Variants in CNTN4 observed in about 807,000 individuals in gnomAD.
The protein encoded by CNTN4 is contactin-4.
Under a neutral mutation model 122.5 loss-of-function variants are expected in CNTN4, and 77 were observed. The ratio of observed to expected loss-of-function variants is 0.63; its 90% CI spans 0.52 to 0.76. The LOEUF is 0.76. CNTN4 is among the 30% of genes least tolerant of loss of function. The pLI, the probability that CNTN4 is intolerant of heterozygous loss-of-function variation, is 0.00. For synonymous variants in CNTN4, 512 were observed against 447.0 expected (o/e 1.15, Z -1.83); for missense variants, 1,256 against 1,259.1 (o/e 1.00, Z 0.04).
intron 4 of CNTN4, among the ~76,000 whole-genome samples, chr3:2,705,198 C>T (rs907492156): frequency 6.6e-6 from 1 of 150,652 alleles, no homozygotes; most frequent in South Asian, 2.1e-4. Flanking sequence ...GAAACCCCGT[C>T]TCTACTAAAA....
intron 13 of CNTN4, among the ~76,000 whole-genome samples, chr3:2,961,039 GC>G (rs1473813751): frequency 3.3e-5 from 4 of 122,366 alleles, no homozygotes; most frequent in African/African-American, 1.1e-4. Flanking sequence ...GACCATCCTG[GC>G]TAACACGGTG....
intron 4 of CNTN4, among the ~76,000 whole-genome samples, chr3:2,677,142 T>C (rs974763797): frequency 1.3e-5 from 2 of 149,622 alleles, no homozygotes; most frequent in African/African-American, 4.9e-5. Flanking sequence ...GATAGATAGA[T>C]AGATAGATAG....
chr3:2,788,714 C>T lies in CNTN4; in HGVS notation c.359-30772C>T, dbSNP rs945609135. 2.6e-5 allele frequency among the ~76,000 whole-genome samples: 4 copies of T among 152,056 alleles called. No homozygotes were observed. The East Asian group carries it at 7.7e-4, about 29-fold the overall frequency. On this transcript the variant is annotated intron_variant, in intron 6 of 24. Coordinates refer to ENST00000418658, the MANE Select transcript of CNTN4 (RefSeq NM_175607.3). ...AAAAAACAGTCATTAGAATGCCAAC[C>T]CTTAAATGGAAACACCATTAAGCTC...
chr3:2,800,086 T>TA (rs1273896805), intron 6 of CNTN4, among the ~76,000 whole-genome samples: 6 of 151,432 alleles, frequency 4.0e-5, no homozygotes, highest in African/African-American at 1.5e-4. Flanking sequence ...CTACTTTTTT[T>TA]TTTTTTTTGC....
At chr3:2,834,712 C>G (rs1226223160) in intron 7 of CNTN4, among the ~76,000 whole-genome samples, 1 of 151,746 alleles carries the variant, frequency 6.6e-6, no homozygotes, top group Non-Finnish European at 1.5e-5. Flanking sequence ...TAAAGAAATG[C>G]AACTTATTTT....
intron 7 of CNTN4, among the ~76,000 whole-genome samples, chr3:2,832,676 A>G (rs1242363560): frequency 6.6e-6 from 1 of 152,206 alleles, no homozygotes; most frequent in African/African-American, 2.4e-5. Flanking sequence ...TTTACTGTGA[A>G]AGTGGTGACT....
intron 2 of CNTN4, among the ~76,000 whole-genome samples, chr3:2,171,321 A>T (rs2036499002): frequency 6.6e-6 from 1 of 152,204 alleles, no homozygotes; most frequent in African/African-American, 2.4e-5. Context: ...TTTTCAGAGG[A>T]CAAAAACACT....
chr3:2,690,865 C>T (rs1201882368), intron 4 of CNTN4, among the ~76,000 whole-genome samples: 1 of 152,202 alleles, frequency 6.6e-6, no homozygotes, highest in African/African-American at 2.4e-5. Context: ...CCTAAGGCAA[C>T]TTTCATGCTA....
At chr3:2,138,953 C>T (rs574857507) in intron 2 of CNTN4, among the ~76,000 whole-genome samples, 7 of 152,240 alleles carry the variant, frequency 4.6e-5, no homozygotes, top group East Asian at 3.9e-4. Flanking sequence ...GTAGCCAAAG[C>T]AAAGACAGTT....
chr3:2,781,904 T>C (rs2091602113), intron 6 of CNTN4, among the ~76,000 whole-genome samples: 1 of 142,090 alleles, frequency 7.0e-6, no homozygotes. Flanking sequence ...TTTGTATTTT[T>C]AGTAGAGACG....
At chr3:2,871,916 A>T (rs1245475649) in intron 8 of CNTN4, among the ~76,000 whole-genome samples, 1 of 152,236 alleles carries the variant, frequency 6.6e-6, no homozygotes, top group East Asian at 1.9e-4. Flanking sequence ...ATAGTTATTT[A>T]TCCAGATATT....
At chr3:2,952,000 A>G (rs895101941) in intron 13 of CNTN4, among the ~76,000 whole-genome samples, 4 of 152,218 alleles carry the variant, frequency 2.6e-5, no homozygotes, top group African/African-American at 9.6e-5. Context: ...CTCTATACCC[A>G]GGTGCCAGGA....
At chr3:2,463,978 T>G (rs1202712798) in intron 3 of CNTN4, among the ~76,000 whole-genome samples, 1 of 152,162 alleles carries the variant, frequency 6.6e-6, no homozygotes, top group Non-Finnish European at 1.5e-5. Context: ...ATGAAATGCC[T>G]TGAAGTATTC....
At chr3:2,790,813 A>G (rs2091985122) in intron 6 of CNTN4, among the ~76,000 whole-genome samples, 2 of 152,220 alleles carry the variant, frequency 1.3e-5, no homozygotes, top group Admixed American at 1.3e-4. Flanking sequence ...TACAAGGAAA[A>G]TGATCTTATT....
chr3:2,709,963 C>G lies in CNTN4; in HGVS notation c.56-26252C>G. On this transcript the variant is annotated intron_variant, in intron 4 of 24. Transcript: ENST00000418658. The surrounding 1 kb of genome is among the most constrained non-coding windows in gnomAD (Gnocchi z 5.0). ...AAAGAGCATGTTTCCACACTTAATGCTTATTGCTGAAACCCTCCTTTGTTA... is the reference window on the plus strand; with the variant it reads ...AAAGAGCATGTTTCCACACTTAATGGTTATTGCTGAAACCCTCCTTTGTTA... 6.6e-6 allele frequency among the ~76,000 whole-genome samples: 1 copy of G among 152,052 alleles called. No homozygotes were observed. Among genetic ancestry groups the G allele is most frequent in the Non-Finnish European group, 1.5e-5 (1 of 67,982 alleles).
chr3:2,701,474 A>T (rs1302153882), intron 4 of CNTN4, among the ~76,000 whole-genome samples: 1 of 152,188 alleles, frequency 6.6e-6, no homozygotes, highest in Non-Finnish European at 1.5e-5. Flanking sequence ...GGTATCATAG[A>T]TGAAAGGGCG....
At chr3:3,002,439 GAGAT>G (rs1306466926) in intron 14 of CNTN4, among the ~76,000 whole-genome samples, 1 of 152,234 alleles carries the variant, frequency 6.6e-6, no homozygotes, top group Non-Finnish European at 1.5e-5. Context: ...GAGAGAAACA[GAGAT>G]AGAGAGAGAG....
chr3:2,558,354 C>T (rs139672896), intron 3 of CNTN4, among the ~76,000 whole-genome samples: 3 of 152,166 alleles, frequency 2.0e-5, no homozygotes, highest in African/African-American at 7.2e-5. Flanking sequence ...TTCATTTCTT[C>T]TTACTCTTCT....
rs1220761684 is a variant in CNTN4 at position 2,600,005 on chromosome 3, C to CTTTTTTTT, written c.55+28449_55+28450insTTTTTTTT. Among the ~76,000 whole-genome samples, 169 of 28,288 alleles carry CTTTTTTTT rather than the reference C, an allele frequency of 6.0e-3. 33 individuals are homozygous for CTTTTTTTT. Among genetic ancestry groups the CTTTTTTTT allele is most frequent in the Admixed American group, 0.022 (48 of 2,200 alleles). 18.6% of individuals were successfully genotyped at this position (28,288 alleles called of 152,430 possible). On this transcript the variant is annotated intron_variant, in intron 4 of 24. Transcript: ENST00000418658. ...CAACTCTATTTTGGTTTATGGAATT[C>CTTTTTTTT]TTCTTTTTTTTTTTTTTTTTTTTTT...
Sources: allele counts gnomAD v4.1 joint callset (sites outside exome capture counted in the v4.1 genomes callset), GRCh38; gene constraint gnomAD v4.1.1; non-coding constraint Gnocchi (gnomAD v3.1); transcripts MANE v1.5; gene names NCBI Gene and HGNC (gene_info 2026-07-23, HGNC 2026-07-21).